CATSPER4: variants seen among roughly 807,000 people sequenced by gnomAD.
CATSPER4 encodes cation channel sperm-associated protein 4.
In CATSPER4, 46 loss-of-function variants were observed where a neutral mutation model predicts 54.4. The observed-to-expected ratio is 0.84, with a 90% CI of 0.67 to 1.08. CATSPER4 has a LOEUF of 1.08. CATSPER4 is among the 50% of genes least tolerant of loss of function. The pLI, the probability that CATSPER4 is intolerant of heterozygous loss-of-function variation, is 0.00. For synonymous variants in CATSPER4, 230 were observed against 231.9 expected, an observed-to-expected ratio of 0.99 and a Z score of 0.08; for missense variants, 574 against 612.8, an observed-to-expected ratio of 0.94 and a Z score of 0.67.
At chr1:26,201,655 C>T in intron 9 of CATSPER4, 136 bp downstream of exon 9, 4 of 727,420 alleles carry the variant, frequency 5.5e-6, no homozygotes, top group Non-Finnish European at 9.4e-6. Context: ...ACCACCCCTC[C>T]TTTTTTTTCT....
chr1:26,198,136 T>C (rs2088965070), intron 5 of CATSPER4, 59 bp downstream of exon 5: 4 of 1,613,974 alleles, frequency 2.5e-6, no homozygotes, highest in African/African-American at 2.7e-5. Context: ...CCTTGGGTCA[T>C]TGCAAATAGA....
Position 26,201,381 on chromosome 1 carries a change from C to G in CATSPER4, c.1227C>G (p.Arg409=), listed in dbSNP as rs142696900. The G allele has an allele frequency of 8.1e-6, 13 of 1,614,160 alleles. No homozygotes were observed. The African/African-American group carries it at 1.5e-4, about 18-fold the overall frequency. Residue 409 remains arginine (R), a synonymous_variant, in exon 9 of 10, where the codon CGC becomes CGG. Coordinates refer to ENST00000456354, the MANE Select transcript of CATSPER4 (RefSeq NM_198137.2). ...NMIVEEVRAI[R]FNQEQESEVL... is the part of the protein sequence containing the mutation. Reference sequence around the variant, plus strand: ...TTGTGGAGGAGGTGCGCGCAATCCGCTTCAACCAGGAGCAGGAGTCAGAGG... The same window carrying G: ...TTGTGGAGGAGGTGCGCGCAATCCGGTTCAACCAGGAGCAGGAGTCAGAGG...
chr1:26,192,018 G>T (rs2088874766), intron 2 of CATSPER4, among the ~76,000 whole-genome samples: 2 of 151,570 alleles, frequency 1.3e-5, no homozygotes, highest in Admixed American at 6.6e-5. Flanking sequence ...GTAGGAGTTG[G>T]CCAGGCAAAG....
At position 26,192,029 on chromosome 1, in the gene CATSPER4, A is replaced by G. The variant is rs376754817; in HGVS notation, c.357+599A>G. Reference sequence around the variant, plus strand: ...GCACGTAGGAGTTGGCCAGGCAAAGAGAGGTGGGGGAGACTTTTTGGGGAA... The same window carrying G: ...GCACGTAGGAGTTGGCCAGGCAAAGGGAGGTGGGGGAGACTTTTTGGGGAA... On this transcript the variant is annotated intron_variant, in intron 2 of 9. Transcript: ENST00000456354. 2.6e-5 allele frequency among the ~76,000 whole-genome samples: 4 copies of G among 152,166 alleles called. No homozygotes were observed. The East Asian group carries it at 5.8e-4, about 22-fold the overall frequency.
chr1:26,200,357 T>C (rs963313915), intron 7 of CATSPER4, among the ~76,000 whole-genome samples: 2 of 152,262 alleles, frequency 1.3e-5, no homozygotes, highest in East Asian at 3.9e-4. Context: ...GGAATAATAA[T>C]AGTACTTAAC....
At chr1:26,191,952 A>G (rs898464011) in intron 2 of CATSPER4, among the ~76,000 whole-genome samples, 1 of 152,088 alleles carries the variant, frequency 6.6e-6, no homozygotes, top group African/African-American at 2.4e-5. Flanking sequence ...AGCTGAGAGT[A>G]AAGAAGTAGG....
At chr1:26,192,168 C>A (rs1443660106) in intron 2 of CATSPER4, among the ~76,000 whole-genome samples, 2 of 151,082 alleles carry the variant, frequency 1.3e-5, no homozygotes, top group Non-Finnish European at 2.9e-5. Flanking sequence ...CACTCTGTCA[C>A]CCAGGCTGGT....
chr1:26,199,598 C>CAAAAAAAAAAAAAAAAAAAAAAA (rs561742837), intron 6 of CATSPER4, among the ~76,000 whole-genome samples: 3 of 113,868 alleles, frequency 2.6e-5, no homozygotes, highest in Non-Finnish European at 3.7e-5. Flanking sequence ...GACTCCATCT[C>CAAAAAAAAAAAAAAAAAAAAAAA]AAAAAAAAAA....
intron 3 of CATSPER4, among the ~76,000 whole-genome samples, chr1:26,194,718 A>T (rs1421798966): frequency 6.6e-6 from 1 of 152,106 alleles, no homozygotes; most frequent in African/African-American, 2.4e-5. Flanking sequence ...GAAGGTGCAG[A>T]CTCAGTACGA....
chr1:26,198,518 G>T (rs2088970974), intron 6 of CATSPER4, 99 bp downstream of exon 6: 2 of 1,507,346 alleles, frequency 1.3e-6, no homozygotes, highest in African/African-American at 2.7e-5. Context: ...TTGGGATGAG[G>T]ATGGCCCAGT....
At chr1:26,200,783 G>T (rs758111745) in intron 7 of CATSPER4, 47 bp from the exon 8 acceptor site, 1 of 1,485,246 alleles carries the variant, frequency 6.7e-7, no homozygotes, top group Non-Finnish European at 9.4e-7. Context: ...TGCCGGGGGC[G>T]TGCCTGCCTG....
chr1:26,198,484 G>C lies in CATSPER4; in HGVS notation c.812+65G>C, dbSNP rs982025764. On this transcript the variant is annotated intron_variant, in intron 6 of 9. Coordinates refer to ENST00000456354, the MANE Select transcript of CATSPER4 (RefSeq NM_198137.2). Reference sequence around the variant, plus strand: ...GGGCAGGGTAGCCGGTGGAGCTCCAGGCTGAGAGTGGGAGCTCCAGGGATT... The same window carrying C: ...GGGCAGGGTAGCCGGTGGAGCTCCACGCTGAGAGTGGGAGCTCCAGGGATT... The C allele has an allele frequency of 1.6e-5, 26 of 1,600,340 alleles. No homozygotes were observed. In the Admixed American group the frequency reaches 3.8e-4, roughly 24 times the overall value.
rs111438863 is a variant in CATSPER4, at chr1:26,191,350, G to C, written c.277G>C (p.Ala93Pro). ...CATCAAGCAGCTGCTCCGACACCCC[G>C]CCTTCCAACTGCTGCTGGCCCTGCT... Reference protein sequence around the residue: ...MYIKQLLRHPAFQLLLALLLV... With the variant: ...MYIKQLLRHPPFQLLLALLLV... Residue 93 changes from alanine to proline, a missense_variant, in exon 2 of 10, where the codon GCC becomes CCC. Ala to Pro is a conservative substitution (Grantham distance 27, BLOSUM62 -1). Coordinates refer to ENST00000456354, the MANE Select transcript of CATSPER4 (RefSeq NM_198137.2). The C allele has an allele frequency of 1.2e-6, 2 of 1,614,018 alleles. No homozygotes were observed. Among genetic ancestry groups the C allele is most frequent in the African/African-American group, 2.7e-5 (2 of 74,916 alleles).
chr1:26,191,932 G>C (rs1405326108), intron 2 of CATSPER4, among the ~76,000 whole-genome samples: 1 of 152,090 alleles, frequency 6.6e-6, no homozygotes, highest in Non-Finnish European at 1.5e-5. Flanking sequence ...CCTGGAGAAA[G>C]TGACACTGGA....
At chr1:26,199,767 G>C in intron 6 of CATSPER4, 117 bp from the exon 7 acceptor site, 1 of 1,091,598 alleles carries the variant, frequency 9.2e-7, no homozygotes, top group South Asian at 1.5e-5. Flanking sequence ...CTGCACAACA[G>C]CAGTGACACA....
chr1:26,200,418 C>T (rs2088994025), intron 7 of CATSPER4, among the ~76,000 whole-genome samples: 1 of 151,984 alleles, frequency 6.6e-6, no homozygotes, highest in Admixed American at 6.6e-5. Flanking sequence ...GTGCTTGGCG[C>T]ATAGTAAGCA....
chr1:26,195,506 C>CTT (rs34814169), intron 3 of CATSPER4, among the ~76,000 whole-genome samples: 24,595 of 142,104 alleles, frequency 0.17, 2,361 homozygotes, highest in Middle Eastern at 0.26. Context: ...TTTTCTTTTT[C>CTT]TTTTTTTTTT....
At chr1:26,197,105 A>G in intron 3 of CATSPER4, among the ~76,000 whole-genome samples, 1 of 151,730 alleles carries the variant, frequency 6.6e-6, no homozygotes, top group East Asian at 1.9e-4. Context: ...ATGGAGTTTC[A>G]CCATGTTGGC....
chr1:26,200,062 C>T lies in CATSPER4; in HGVS notation c.987+4C>T, dbSNP rs373995246. 7.9e-5 allele frequency: 127 copies of T among 1,612,054 alleles called. No individual in the cohort carries two copies. The highest frequency in any genetic ancestry group is 1.0e-4 in the Non-Finnish European group (121 of 1,179,064). On this transcript the variant is annotated splice_donor_region_variant and intron_variant, in intron 7 of 9. Transcript: ENST00000456354. Reference sequence around the variant, plus strand: ...GCAACGAATAACCTTTAGTGAGGTGCGTGGGATGGGGAGGGCAGAAGGGAG... The same window carrying T: ...GCAACGAATAACCTTTAGTGAGGTGTGTGGGATGGGGAGGGCAGAAGGGAG...
Sources: allele counts gnomAD v4.1 joint callset (sites outside exome capture counted in the v4.1 genomes callset), GRCh38; gene constraint gnomAD v4.1.1; transcripts MANE v1.5; gene names NCBI Gene and HGNC (gene_info 2026-07-23, HGNC 2026-07-21).